The following ATP13A1 variants were observed in gnomAD, a reference collection of about 807,000 sequenced individuals.
The protein encoded by ATP13A1 is ATPase 13A1, also known as endoplasmic reticulum transmembrane helix translocase.
A neutral mutation model predicts 134.8 loss-of-function variants in ATP13A1; 55 were observed. The ratio of observed to expected loss-of-function variants is 0.41; its 90% CI spans 0.33 to 0.51. The LOEUF (loss-of-function observed/expected upper bound fraction) is 0.51. Among genes scored for constraint, ATP13A1 ranks in the 20% least tolerant of loss-of-function variants. ATP13A1 has a pLI of 0.29. For missense variants in ATP13A1, 1,389 were observed against 1,652.8 expected, an observed-to-expected ratio of 0.84 and a Z score of 2.77; for synonymous variants, 775 against 725.1, an observed-to-expected ratio of 1.07 and a Z score of -1.10.
chr19:19,646,715 G>C, intron 22 of ATP13A1: 1 of 389,998 alleles, frequency 2.6e-6, no homozygotes, highest in Non-Finnish European at 4.7e-6. Context: ...CCTGTTTGGG[G>C]CCTTTGTGTC....
intron 17 of ATP13A1, chr19:19,650,210 T>C (rs1599429565): frequency 1.8e-6 from 1 of 557,784 alleles, no homozygotes; most frequent in Non-Finnish European, 3.2e-6. Flanking sequence ...TGACCCCAGC[T>C]AAGCCATGCC....
At chr19:19,660,047 C>A (rs2062084517) in intron 1 of ATP13A1, 60 bp from the exon 2 acceptor site, 2 of 1,475,886 alleles carry the variant, frequency 1.4e-6, no homozygotes, top group Admixed American at 2.3e-5. Flanking sequence ...TTCCAAGACC[C>A]CCCCGGGAGG....
chr19:19,646,797 A>T (rs533593962), intron 22 of ATP13A1: 1 of 401,908 alleles, frequency 2.5e-6, no homozygotes, highest in African/African-American at 2.0e-5. Flanking sequence ...AGGCCTCCCC[A>T]GCTGTCCACC....
In ATP13A1 at chr19:19,659,879, C is replaced by A; in HGVS notation, c.486+19G>T. The A allele has an allele frequency of 6.3e-7, 1 of 1,587,776 alleles. No individual in the cohort carries two copies. The highest frequency in any genetic ancestry group is 8.6e-7 in the Non-Finnish European group (1 of 1,166,584). ...CCTACTCAAGCCCCTCCTCCAGGAG[C>A]CCAGCAGGCAGTCCCTACCTCATTG... On this transcript the variant is annotated intron_variant, in intron 2 of 25. Transcript: ENST00000357324.
Position 19,652,627 on chromosome 19 carries a change from C to T in ATP13A1, c.2194G>A (p.Val732Met), listed in dbSNP as rs187111671. 46 of 1,608,470 alleles carry T rather than the reference C, an allele frequency of 2.9e-5. No individual in the cohort carries two copies. The highest frequency in any genetic ancestry group is 3.5e-5 in the Non-Finnish European group (41 of 1,177,776). The change falls in exon 16 of 26, where the codon GTG becomes ATG. Residue 732 changes from valine (V) to methionine (M), a missense_variant. This residue lies in a region of ATP13A1 where 747 missense variants were observed against 956.1 expected (regional missense o/e 0.78). Coordinates refer to ENST00000357324, the MANE Select transcript of ATP13A1 (RefSeq NM_020410.3). The part of the protein sequence containing the change: ...SCPLKADSKA[V>M]IREIQNASHR... ...GACGCATTCTGGATCTCCCGGATCA[C>T]GGCCTTGGAGTCAGCCTTGAGCGGG... is the stretch of plus-strand genomic sequence containing the variant.
At position 19,656,699 on chromosome 19, in the gene ATP13A1, G is replaced by A. The variant is rs139607674; in HGVS notation, c.1044C>T (p.Asp348=). The change falls in exon 7 of 26, where the codon GAC becomes GAT. Residue 348 remains aspartate (D), a synonymous_variant. Coordinates refer to ENST00000357324, the MANE Select transcript of ATP13A1 (RefSeq NM_020410.3). This position sits in a 1 kb window ranked among gnomAD's most constrained non-coding sequence, Gnocchi z 4.6. ...CGGACTCCCCCGTGAGCATGGCCTC[G>A]TCTACGATGCAGCGGCCTCGCAGCA... ...VLLLRGRCIV[D]EAMLTGESVP... 5.3e-5 allele frequency: 85 copies of A among 1,613,678 alleles called. No individual in the cohort carries two copies. The highest frequency in any genetic ancestry group is 1.6e-4 in the South Asian group (15 of 91,080).
intron 17 of ATP13A1, 156 bp downstream of exon 17, chr19:19,651,533 C>T (rs1015838950): frequency 9.1e-6 from 5 of 550,290 alleles, no homozygotes; most frequent in Non-Finnish European, 1.6e-5. Flanking sequence ...CACATGCTGT[C>T]CGAGGTGCCC....
Position 19,656,626 on chromosome 19 carries a change from A to T in ATP13A1, c.1083+34T>A, listed in dbSNP as rs1329220147. 3 of 1,599,994 alleles carry T rather than the reference A, an allele frequency of 1.9e-6. No homozygotes were observed. In the African/African-American group the frequency reaches 4.0e-5, roughly 21 times the overall value. On this transcript the variant is annotated intron_variant, in intron 7 of 25. Transcript: ENST00000357324. The surrounding 1 kb of genome is among the most constrained non-coding windows in gnomAD (Gnocchi z 4.6). ...CCACCTCCTGGCCTGTTTCCTCCTG[A>T]ACAGCTTGAGGATCCCCATCCTCCA...
Position 19,649,919 on chromosome 19 carries a change from G to T in ATP13A1, c.2357C>A (p.Ser786Tyr), listed in dbSNP as rs2062013305. Residue 786 changes from serine to tyrosine, a missense_variant, in exon 18 of 26, where the codon TCC becomes TAC. Around this residue, in one of 4 missense-constraint regions of ATP13A1, gnomAD observed 747 missense variants for 956.1 expected, o/e 0.78. Coordinates refer to ENST00000357324, the MANE Select transcript of ATP13A1 (RefSeq NM_020410.3). ...GGGCAGCACGATGCTGCCGTCAATG[G>T]AGCGCCACTCGCACTGCCGGCCTGC... ...SEKGRQCEWR[S>Y]IDGSIVLPLA... The T allele has an allele frequency of 1.3e-6, 2 of 1,596,478 alleles. No homozygotes were observed. The highest frequency in any genetic ancestry group is 4.5e-5 in the East Asian group (2 of 44,750).
In ATP13A1 at chr19:19,656,893, C is replaced by T; in HGVS notation, c.930G>A (p.Arg310=). Residue 310 remains arginine (R), a synonymous_variant, in exon 6 of 26, where the codon AGG becomes AGA. Transcript: ENST00000357324. The surrounding 1 kb of genome is among the most constrained non-coding windows in gnomAD (Gnocchi z 4.6). ...GTACGATCTCATCACTGGCAATGGG[C>T]CTCCACTTGCGGCTTCGGTAGACCT... is the stretch of plus-strand genomic sequence containing the variant. ...MIQVYRSRKW[R]PIASDEIVPG... 6.2e-7 allele frequency: 1 copy of T among 1,612,322 alleles called. No homozygotes were observed. Among genetic ancestry groups the T allele is most frequent in the East Asian group, 2.2e-5 (1 of 44,828 alleles).
At chr19:19,660,115 C>T in intron 1 of ATP13A1, 128 bp from the exon 2 acceptor site, 2 of 738,428 alleles carry the variant, frequency 2.7e-6, no homozygotes, top group Non-Finnish European at 4.5e-6. Flanking sequence ...TCTGGTGCTG[C>T]CTCTGTCACT....
chr19:19,647,282 C>A lies in ATP13A1; in HGVS notation c.2952G>T (p.Thr984=). Residue 984 remains threonine, a synonymous_variant, in exon 22 of 26, where the codon ACG becomes ACT. Coordinates refer to ENST00000357324, the MANE Select transcript of ATP13A1 (RefSeq NM_020410.3). The surrounding 1 kb of genome is among the most constrained non-coding windows in gnomAD (Gnocchi z 4.8). ...IKQGRCTLVT[T]LQMFKILALN... is the part of the protein sequence containing the mutation. Reference sequence around the variant, plus strand: ...GCGCCAGGATCTTGAACATCTGTAGCGTGGTCACCAGCGTGCAGCGGCCCT... The same window carrying A: ...GCGCCAGGATCTTGAACATCTGTAGAGTGGTCACCAGCGTGCAGCGGCCCT... 3 of 1,613,068 alleles carry A rather than the reference C, an allele frequency of 1.9e-6. No individual in the cohort carries two copies. In the South Asian group the frequency reaches 3.3e-5, roughly 18 times the overall value.
At position 19,657,370 on chromosome 19, in the gene ATP13A1, T is replaced by C. The variant is rs2062066117; in HGVS notation, c.716A>G (p.Lys239Arg). 1 of 1,574,186 alleles carries C rather than the reference T, an allele frequency of 6.4e-7. No homozygotes were observed. Among genetic ancestry groups the C allele is most frequent in the South Asian group, 1.2e-5 (1 of 85,546 alleles). ...MVVPDFSELF[K>R]ERATAPFFVF... ...AAAGAAGGGGGCTGTGGCTCTCTCC[T>C]TGAAAAGCTCCGAGAAGTCAGGCAC... Residue 239 changes from lysine (K) to arginine (R), a missense_variant, in exon 4 of 26, where the codon AAG becomes AGG. Transcript: ENST00000357324.
chr19:19,652,703 C>A lies in ATP13A1; in HGVS notation c.2118G>T (p.Arg706=). The change falls in exon 16 of 26, where the codon CGG becomes CGT. Residue 706 remains arginine, a synonymous_variant. Transcript: ENST00000357324. ...LTHQQAREVK[R]EALECSLKFV... ...ACTTGAGGCTGCACTCCAGGGCCTC[C>A]CGCTTGACCTCCCGGGCCTGCGGAC... 6.2e-7 allele frequency: 1 copy of A among 1,606,324 alleles called. No homozygotes were observed. Among genetic ancestry groups the A allele is most frequent in the Non-Finnish European group, 8.5e-7 (1 of 1,177,550 alleles).
rs1023875215 is a variant in ATP13A1, at chr19:19,663,658, T to TGCC, written c.6_8dup (p.Ala6dup). On this transcript the variant is annotated inframe_insertion, in exon 1 of 26. Transcript: ENST00000357324. ...GCACCGCGTTGCCCACCGCCGCCGC[T>TGCC]GCCGCCATCTTTCCTAGCGCCGCGC... 37 of 1,286,372 alleles carry TGCC rather than the reference T, an allele frequency of 2.9e-5. No homozygotes were observed. The highest frequency in any genetic ancestry group is 3.4e-5 in the Non-Finnish European group (35 of 1,019,314). 79.7% of individuals were successfully genotyped at this position (1,286,372 alleles called of 1,614,324 possible). A position where few individuals can be genotyped will look rare whatever the true frequency, so the allele number is the denominator to read the frequency against.
chr19:19,647,080 C>G lies in ATP13A1; in HGVS notation c.3105+49G>C. 6.4e-7 allele frequency: 1 copy of G among 1,552,438 alleles called. No individual in the cohort carries two copies. The highest frequency in any genetic ancestry group is 8.7e-7 in the Non-Finnish European group (1 of 1,144,556). ...AATTCCCGTGCCTATATCAGCCTGGCCCTGGCAGGCCCATGCATCCCTGGC... is the reference window on the plus strand; with the variant it reads ...AATTCCCGTGCCTATATCAGCCTGGGCCTGGCAGGCCCATGCATCCCTGGC... On this transcript the variant is annotated intron_variant, in intron 22 of 25. Transcript: ENST00000357324. The surrounding 1 kb of genome is among the most constrained non-coding windows in gnomAD (Gnocchi z 4.8).
In ATP13A1 at chr19:19,655,155, C is replaced by A. The variant is rs1011497589; in HGVS notation, c.1619G>T (p.Ser540Ile). 5 of 1,613,890 alleles carry A rather than the reference C, an allele frequency of 3.1e-6. No individual in the cohort carries two copies. Among genetic ancestry groups the A allele is most frequent in the Non-Finnish European group, 4.2e-6 (5 of 1,179,898 alleles). ...CCFDKTGTLT[S>I]DSLVVRGVAG... ...CACACCGCGCACCACCAGGCTGTCA[C>A]TGGTCAACGTCCCCGTCTTGTCAAA... The change falls in exon 12 of 26, where the codon AGT (serine) becomes ATT (isoleucine). Residue 540 changes from serine to isoleucine, a missense_variant. Ser to Ile is a moderately radical substitution (Grantham distance 142, BLOSUM62 -2). Transcript: ENST00000357324. This position sits in a 1 kb window ranked among gnomAD's most constrained non-coding sequence, Gnocchi z 5.7.
rs369938079 is a variant in ATP13A1 at position 19,652,739 on chromosome 19, A to T, written c.2101-19T>A. 5 of 1,593,960 alleles carry T rather than the reference A, an allele frequency of 3.1e-6. No homozygotes were observed. In the African/African-American group the frequency reaches 6.7e-5, roughly 21 times the overall value. On this transcript the variant is annotated intron_variant, in intron 15 of 25. Transcript: ENST00000357324. ...CCCGGGCCTGCGGACAGACAGGGGC[A>T]CCCTCACCATCTGTCCCTCCCTCTG...
chr19:19,657,299 G>A, intron 4 of ATP13A1, 37 bp downstream of exon 4: 1 of 1,548,286 alleles, frequency 6.5e-7, no homozygotes, highest in Non-Finnish European at 8.7e-7. Context: ...AGCCCCAAGG[G>A]AGGAAATGGG....
Sources: allele counts gnomAD v4.1 joint callset, GRCh38; gene constraint gnomAD v4.1.1; regional missense constraint gnomAD v4.1.1; non-coding constraint Gnocchi (gnomAD v3.1); transcripts MANE v1.5; gene names NCBI Gene and HGNC (gene_info 2026-07-23, HGNC 2026-07-21).